NKD2: variants seen among roughly 807,000 people sequenced by gnomAD.
NKD2 encodes NKD inhibitor of Wnt signaling pathway 2.
Under a neutral mutation model 34.8 loss-of-function variants are expected in NKD2, and 43 were observed. The observed-to-expected ratio is 1.24, with a 90% CI of 0.97 to 1.60. The LOEUF (loss-of-function observed/expected upper bound fraction) is 1.60. NKD2 is among the 40% of genes most tolerant of loss of function. The probability of loss-of-function intolerance (pLI) is 0.00; values close to 1 mark genes in which losing one functional copy is unlikely to be tolerated. For missense variants in NKD2, 675 were observed against 627.1 expected (o/e 1.08, Z -0.82); for synonymous variants, 278 against 265.1 (o/e 1.05, Z -0.47).
At chr5:1,012,946 T>G (rs1263745473) in intron 3 of NKD2, among the ~76,000 whole-genome samples, 2 of 152,242 alleles carry the variant, frequency 1.3e-5, no homozygotes, top group Non-Finnish European at 2.9e-5. Context: ...GTCTGGACGC[T>G]ACCGCATCAA....
At chr5:1,028,004 G>A (rs1489452978) in intron 3 of NKD2, among the ~76,000 whole-genome samples, 2 of 152,226 alleles carry the variant, frequency 1.3e-5, no homozygotes, top group East Asian at 1.9e-4. Context: ...GCTGCCGAGC[G>A]CTGGCACGTG....
intron 6 of NKD2, 37 bp from the exon 7 acceptor site, chr5:1,034,719 G>T (rs780143531): frequency 8.8e-6 from 14 of 1,597,324 alleles, no homozygotes; most frequent in Non-Finnish European, 1.1e-5. Flanking sequence ...TGTCCCCTGG[G>T]GTCTGCTCTG....
At chr5:1,010,130 C>T (rs1179355117) in intron 3 of NKD2, among the ~76,000 whole-genome samples, 2 of 152,160 alleles carry the variant, frequency 1.3e-5, no homozygotes, top group Non-Finnish European at 2.9e-5. Context: ...GCAGAGACTG[C>T]AAGGCTGGCT....
At position 1,038,933 on chromosome 5, in the gene NKD2, A is replaced by G. The variant is rs776153899; in HGVS notation, c.*560A>G. On this transcript the variant is annotated 3_prime_UTR_variant, in exon 10 of 10. Coordinates refer to ENST00000296849, the MANE Select transcript of NKD2 (RefSeq NM_033120.4). This position sits in a 1 kb window ranked among gnomAD's most constrained non-coding sequence, Gnocchi z 4.5. ...AGCAGCAGAAGGCAGCAGTGCTAGA[A>G]AGAGAAGTGCCAGAGTAGGGAGTGC... is the stretch of plus-strand genomic sequence containing the variant. 9 of 186,518 alleles carry G rather than the reference A, an allele frequency of 4.8e-5. No homozygotes were observed. Among genetic ancestry groups the G allele is most frequent in the Admixed American group, 1.2e-4 (2 of 16,230 alleles). The allele number at this position is 186,518 out of a possible 1,614,324, so 11.6% of individuals were successfully genotyped here.
At chr5:1,020,570 G>A (rs1035001980) in intron 3 of NKD2, among the ~76,000 whole-genome samples, 7 of 152,012 alleles carry the variant, frequency 4.6e-5, no homozygotes, top group African/African-American at 1.7e-4. Context: ...CGGTTAATGC[G>A]GGTAAAGTGC....
intron 8 of NKD2, 176 bp from the exon 9 acceptor site, chr5:1,036,081 C>A: frequency 7.6e-7 from 1 of 1,324,258 alleles, no homozygotes; most frequent in Non-Finnish European, 9.6e-7. Flanking sequence ...CCTTGTTTCT[C>A]TGGACGGCAC....
intron 7 of NKD2, 60 bp downstream of exon 7, chr5:1,034,963 G>A: frequency 1.3e-5 from 19 of 1,479,916 alleles, no homozygotes; most frequent in Non-Finnish European, 1.6e-5. Flanking sequence ...GGCCTAAGCT[G>A]TGTGCGCGGG....
rs1391625244 is a variant in NKD2 at position 1,032,209 on chromosome 5, C to T, written c.199C>T (p.Gln67Ter). 1.2e-6 allele frequency: 2 copies of T among 1,608,482 alleles called. No homozygotes were observed. Among genetic ancestry groups the T allele is most frequent in the Non-Finnish European group, 1.7e-6 (2 of 1,177,258 alleles). ...TTTCCGGGAGGACCAGTGTCCCCTA[C>T]AGGGTGAGTGCAGCTCCCGCAGCCC... Reference protein sequence around the residue: ...GPFREDQCPLQVALPAEKAEG... With the variant: ...GPFREDQCPL Residue 67 changes from glutamine to a stop codon, truncating the protein, a stop_gained, in exon 4 of 10, where the codon CAG (glutamine) becomes TAG (stop). Coordinates refer to ENST00000296849, the MANE Select transcript of NKD2 (RefSeq NM_033120.4). LOFTEE classifies it high-confidence loss of function.
chr5:1,012,986 A>G (rs1040835609), intron 3 of NKD2, among the ~76,000 whole-genome samples: 9 of 152,214 alleles, frequency 5.9e-5, no homozygotes, highest in Non-Finnish European at 1.0e-4. Context: ...GGCAAGATAC[A>G]CATTTGCAGG....
At chr5:1,033,581 G>A in intron 5 of NKD2, 82 bp downstream of exon 5, 3 of 1,437,160 alleles carry the variant, frequency 2.1e-6, no homozygotes, top group Admixed American at 2.3e-5. Flanking sequence ...GCCCTAAACT[G>A]GGCATCTGTG....
At chr5:1,037,654 C>CTG (rs1281292262) in intron 9 of NKD2, 151 bp from the exon 10 acceptor site, 2 of 1,535,940 alleles carry the variant, frequency 1.3e-6, no homozygotes, top group African/African-American at 2.7e-5. Context: ...CCCTTCAGGG[C>CTG]TGGTGGCCGT....
chr5:1,030,943 G>A (rs1263597964), intron 3 of NKD2, among the ~76,000 whole-genome samples: 2 of 152,246 alleles, frequency 1.3e-5, no homozygotes, highest in East Asian at 1.9e-4. Context: ...ATTCAGCCTC[G>A]GCAGCGCCAC....
In NKD2 at chr5:1,008,983, C is replaced by T. The variant is rs901615326; in HGVS notation, c.-75C>T. On this transcript the variant is annotated 5_prime_UTR_variant, in exon 1 of 10. Coordinates refer to ENST00000296849, the MANE Select transcript of NKD2 (RefSeq NM_033120.4). Reference sequence around the variant, plus strand: ...GCTTGCTCCCGGCCCATGCGGCCCCCGCGGGCTCCCGGCCCCGGCTTCAGA... The same window carrying T: ...GCTTGCTCCCGGCCCATGCGGCCCCTGCGGGCTCCCGGCCCCGGCTTCAGA... 33 of 416,780 alleles carry T rather than the reference C, an allele frequency of 7.9e-5. No homozygotes were observed. Among genetic ancestry groups the T allele is most frequent in the Middle Eastern group, 6.2e-4 (1 of 1,602 alleles). 25.8% of individuals were successfully genotyped at this position (416,780 alleles called of 1,614,324 possible).
chr5:1,034,069 T>G (rs1315565971), intron 5 of NKD2, 166 bp from the exon 6 acceptor site: 1 of 606,582 alleles, frequency 1.6e-6, no homozygotes, highest in East Asian at 2.8e-5. Flanking sequence ...AGAAGGGGTC[T>G]GCTGGTTCAG....
Position 1,032,179 on chromosome 5 carries a change from G to T in NKD2, c.169G>T (p.Gly57Trp), listed in dbSNP as rs370298155. 3 of 1,610,010 alleles carry T rather than the reference G, an allele frequency of 1.9e-6. No individual in the cohort carries two copies. The highest frequency in any genetic ancestry group is 2.5e-6 in the Non-Finnish European group (3 of 1,178,870). Reference sequence around the variant, plus strand: ...GCTGCCCAATGGGGACCCCAAGGAGGGGCCTTTCCGGGAGGACCAGTGTCC... The same window carrying T: ...GCTGCCCAATGGGGACCCCAAGGAGTGGCCTTTCCGGGAGGACCAGTGTCC... The part of the protein sequence containing the change: ...QELPNGDPKE[G>W]PFREDQCPLQ... Residue 57 changes from glycine (G) to tryptophan (W), a missense_variant, in exon 4 of 10, where the codon GGG (glycine) becomes TGG (tryptophan). Transcript: ENST00000296849.
chr5:1,026,398 CCG>C (rs1309588608), intron 3 of NKD2, among the ~76,000 whole-genome samples: 1 of 94,414 alleles, frequency 1.1e-5, no homozygotes, highest in African/African-American at 3.9e-5. Context: ...CTCTTCCCAC[CCG>C]CTGTGGGCGT....
chr5:1,011,152 CCTTT>C (rs1404526683), intron 3 of NKD2, among the ~76,000 whole-genome samples: 12 of 152,252 alleles, frequency 7.9e-5, no homozygotes, highest in South Asian at 2.1e-4. Flanking sequence ...AAAGAAAACT[CCTTT>C]CTAAGTTAAA....
At chr5:1,018,253 G>A (rs545741736) in intron 3 of NKD2, among the ~76,000 whole-genome samples, 2 of 152,276 alleles carry the variant, frequency 1.3e-5, no homozygotes, top group South Asian at 4.1e-4. Flanking sequence ...CACCACAGCT[G>A]CAGACCTGCC....
intron 3 of NKD2, among the ~76,000 whole-genome samples, chr5:1,010,933 C>CA (rs1442510448): frequency 3.3e-5 from 5 of 152,254 alleles, no homozygotes; most frequent in Non-Finnish European, 7.3e-5. Context: ...CCAGCGCCCT[C>CA]ACCATGAAGT....
Sources: gnomAD v4.1 joint callset for allele counts (sites outside exome capture counted in the v4.1 genomes callset) on GRCh38, gnomAD v4.1.1 for gene constraint, Gnocchi (gnomAD v3.1) non-coding constraint, MANE v1.5 for transcripts, NCBI Gene and HGNC (gene_info 2026-07-23, HGNC 2026-07-21) for gene names.